The following PRKG1 variants were observed in gnomAD, a reference collection of about 807,000 sequenced individuals.
PRKG1 encodes cGMP-dependent protein kinase 1.
Under a neutral mutation model 88.1 loss-of-function variants are expected in PRKG1, and 35 were observed. The ratio of observed to expected loss-of-function variants is 0.40; its 90% confidence interval spans 0.30 to 0.53. PRKG1 has a LOEUF of 0.53. PRKG1 is among the 20% of genes least tolerant of loss of function. PRKG1 has a pLI of 0.59. For synonymous variants in PRKG1, 303 were observed against 292.5 expected, an observed-to-expected ratio of 1.04 and a Z score of -0.37; for missense variants, 540 against 839.8, an observed-to-expected ratio of 0.64 and a Z score of 4.41.
At chr10:51,926,983 T>C (rs1842593331) in intron 5 of PRKG1, among the ~76,000 whole-genome samples, 2 of 152,284 alleles carry the variant, frequency 1.3e-5, no homozygotes, top group Non-Finnish European at 2.9e-5. Context: ...TTTCAGTTTG[T>C]TCTAGACCTT....
At chr10:52,227,360 C>A (rs1364406775) in intron 9 of PRKG1, among the ~76,000 whole-genome samples, 1 of 152,056 alleles carries the variant, frequency 6.6e-6, no homozygotes, top group Non-Finnish European at 1.5e-5. Flanking sequence ...TGGATTCAAC[C>A]AACCACAAAT....
intron 10 of PRKG1, among the ~76,000 whole-genome samples, chr10:52,266,545 A>G (rs2132424291): frequency 6.6e-6 from 1 of 152,148 alleles, no homozygotes; most frequent in East Asian, 1.9e-4. Flanking sequence ...GCAAAAGCAC[A>G]TGATCTCATT....
chr10:52,122,188 C>T (rs1426449006), intron 7 of PRKG1, among the ~76,000 whole-genome samples: 3 of 152,156 alleles, frequency 2.0e-5, no homozygotes, highest in Non-Finnish European at 2.9e-5. Context: ...CGTGTGCACA[C>T]GTGCAAGAGA....
chr10:51,192,412 C>G (rs1157318446), intron 2 of PRKG1, among the ~76,000 whole-genome samples: 6 of 151,750 alleles, frequency 4.0e-5, no homozygotes, highest in Non-Finnish European at 8.8e-5. Flanking sequence ...ACTCTTGACA[C>G]AAAAAGTTGT....
At chr10:51,822,160 T>C (rs1839765724) in intron 4 of PRKG1, among the ~76,000 whole-genome samples, 2 of 152,046 alleles carry the variant, frequency 1.3e-5, no homozygotes, top group African/African-American at 4.8e-5. Flanking sequence ...TATATGTATA[T>C]ATACATATGT....
intron 10 of PRKG1, among the ~76,000 whole-genome samples, chr10:52,265,407 G>A (rs906101895): frequency 6.6e-6 from 1 of 152,050 alleles, no homozygotes; most frequent in African/African-American, 2.4e-5. Flanking sequence ...CAATTACAGT[G>A]TAGTTCAGGA....
chr10:51,051,435 T>C (rs1172151349), intron 1 of PRKG1, among the ~76,000 whole-genome samples: 1 of 152,154 alleles, frequency 6.6e-6, no homozygotes, highest in Non-Finnish European at 1.5e-5. Flanking sequence ...CCATTTATTA[T>C]TCTTGGCACC....
intron 3 of PRKG1, among the ~76,000 whole-genome samples, chr10:51,726,550 T>A (rs1842136055): frequency 6.6e-6 from 1 of 152,220 alleles, no homozygotes; most frequent in South Asian, 2.1e-4. Flanking sequence ...TCAGGTTGTC[T>A]GTCACGATAT....
chr10:51,339,394 A>G (rs1391188754), intron 2 of PRKG1, among the ~76,000 whole-genome samples: 1 of 152,086 alleles, frequency 6.6e-6, no homozygotes, highest in Non-Finnish European at 1.5e-5. Context: ...ATAAAGCATA[A>G]TTCATCCTGA....
In PRKG1 at chr10:51,509,076, A is replaced by G. The variant is rs189151291; in HGVS notation, c.592+41240A>G. ...CAGCCAAATATAAAAGAACATTAAT[A>G]TTCATTAGTAATGTTACAGCTGGTG... On this transcript the variant is annotated intron_variant, in intron 3 of 17. Coordinates refer to ENST00000373980, the MANE Select transcript of PRKG1 (RefSeq NM_006258.4). Among the ~76,000 whole-genome samples, 40 of 152,318 alleles carry G rather than the reference A, an allele frequency of 2.6e-4. No homozygotes were observed. The East Asian group carries it at 3.5e-3, about 13-fold the overall frequency.
intron 1 of PRKG1, among the ~76,000 whole-genome samples, chr10:51,083,961 CA>C (rs1844181937): frequency 6.6e-6 from 1 of 152,094 alleles, no homozygotes; most frequent in South Asian, 2.1e-4. Context: ...TTTATATAAG[CA>C]ATGAAAATAG....
intron 3 of PRKG1, among the ~76,000 whole-genome samples, chr10:51,753,463 G>A (rs566213656): frequency 4.3e-4 from 66 of 152,096 alleles, no homozygotes; most frequent in African/African-American, 1.5e-3. Context: ...GAAGACACTC[G>A]GTCGGTACAA....
intron 5 of PRKG1, among the ~76,000 whole-genome samples, chr10:51,946,041 T>G (rs1308055332): frequency 6.6e-6 from 1 of 151,996 alleles, no homozygotes; most frequent in African/African-American, 2.4e-5. Context: ...GATAATATCC[T>G]GCAGAGTGTT....
At chr10:51,861,535 ATCATTCTGTTT>A (rs1373294652) in intron 4 of PRKG1, among the ~76,000 whole-genome samples, 1 of 152,168 alleles carries the variant, frequency 6.6e-6, no homozygotes, top group South Asian at 2.1e-4. Context: ...TCTTAAGTAA[ATCATTCTGTTT>A]TGTAATTTTG....
intron 4 of PRKG1, among the ~76,000 whole-genome samples, chr10:51,883,379 TATAG>T (rs1419830779): frequency 1.3e-5 from 2 of 152,214 alleles, no homozygotes; most frequent in Non-Finnish European, 2.9e-5. Context: ...TATAGACAAA[TATAG>T]ATAGATGATA....
chr10:51,422,087 C>T (rs181809416), intron 2 of PRKG1, among the ~76,000 whole-genome samples: 1 of 152,302 alleles, frequency 6.6e-6, no homozygotes, highest in Admixed American at 6.5e-5. Flanking sequence ...AATGAAAAGG[C>T]AAGTTCAGTT....
At chr10:51,229,326 C>A (rs1242787847) in intron 2 of PRKG1, among the ~76,000 whole-genome samples, 2 of 152,090 alleles carry the variant, frequency 1.3e-5, no homozygotes, top group Non-Finnish European at 2.9e-5. Flanking sequence ...ACTCATTTCC[C>A]AGATAAGAAG....
intron 9 of PRKG1, among the ~76,000 whole-genome samples, chr10:52,224,169 C>A (rs1248972834): frequency 1.3e-5 from 2 of 152,090 alleles, no homozygotes; most frequent in African/African-American, 4.8e-5. Context: ...CACCTTGCGT[C>A]CCATCTCATT....
At chr10:51,897,821 C>A (rs767632975) in intron 4 of PRKG1, among the ~76,000 whole-genome samples, 1 of 152,124 alleles carries the variant, frequency 6.6e-6, no homozygotes, top group African/African-American at 2.4e-5. Flanking sequence ...TACCAGCATC[C>A]CCTTTTACTA....
Sources: gnomAD v4.1 joint callset for allele counts (sites outside exome capture counted in the v4.1 genomes callset) on GRCh38, gnomAD v4.1.1 for gene constraint, MANE v1.5 for transcripts, NCBI Gene and HGNC (gene_info 2026-07-23, HGNC 2026-07-21) for gene names.